PYGB: variants seen among roughly 807,000 people sequenced by gnomAD.
PYGB encodes the protein glycogen phosphorylase, brain form.
PYGB carries 82 observed loss-of-function variants against 94.3 expected under a neutral mutation model. The ratio of observed to expected loss-of-function variants is 0.87; its 90% CI spans 0.73 to 1.04. The LOEUF is 1.04. Among genes scored for constraint, PYGB ranks in the 50% least tolerant of loss-of-function variants. PYGB has a pLI of 0.00. For synonymous variants in PYGB, 488 were observed against 479.1 expected (o/e 1.02, Z -0.24); for missense variants, 1,132 against 1,158.2 (o/e 0.98, Z 0.33).
At chr20:25,283,604 GTA>G (rs2088389320) in intron 13 of PYGB, among the ~76,000 whole-genome samples, 1 of 152,214 alleles carries the variant, frequency 6.6e-6, no homozygotes, top group Non-Finnish European at 1.5e-5. Flanking sequence ...TTCCAGCGTG[GTA>G]CCCTCTTTGC....
intron 1 of PYGB, among the ~76,000 whole-genome samples, chr20:25,248,913 C>T (rs2123500032): frequency 6.6e-6 from 1 of 152,308 alleles, no homozygotes; most frequent in South Asian, 2.1e-4. Context: ...GTGTACGCTG[C>T]TTAGAAGAAA....
At chr20:25,250,336 C>A in intron 1 of PYGB, among the ~76,000 whole-genome samples, 1 of 152,304 alleles carries the variant, frequency 6.6e-6, no homozygotes, top group African/African-American at 2.4e-5. Context: ...AAATGACCTT[C>A]ATGAACAAGA....
intron 2 of PYGB, among the ~76,000 whole-genome samples, chr20:25,262,947 A>G (rs2092916971): frequency 6.6e-6 from 1 of 152,202 alleles, no homozygotes; most frequent in African/African-American, 2.4e-5. Flanking sequence ...CCAATACAGG[A>G]GCACCCAGAT....
intron 1 of PYGB, among the ~76,000 whole-genome samples, chr20:25,254,673 GTAGCTCACTAGGT>G (rs2092898194): frequency 6.6e-6 from 1 of 152,212 alleles, no homozygotes; most frequent in Non-Finnish European, 1.5e-5. Flanking sequence ...ACGATGACTG[GTAGCTCACTAGGT>G]ATAAATATAG....
At position 25,297,160 on chromosome 20, in the gene PYGB, T is replaced by C. The variant is rs1349389180; in HGVS notation, c.*638T>C. The C allele has an allele frequency of 6.5e-6, 1 of 152,828 alleles. No homozygotes were observed. Among genetic ancestry groups the C allele is most frequent in the African/African-American group, 2.4e-5 (1 of 41,464 alleles). 9.5% of individuals were successfully genotyped at this position (152,828 alleles called of 1,614,324 possible). A position where few individuals can be genotyped will look rare whatever the true frequency, so the allele number is the denominator to read the frequency against. On this transcript the variant is annotated 3_prime_UTR_variant, in exon 20 of 20. Coordinates refer to ENST00000216962, the MANE Select transcript of PYGB (RefSeq NM_002862.4). ...CTTTGTAGCCATCCAATGGGCATTGTGTGGGTGCTTGGAACCCGGGATGAC... is the reference window on the plus strand; with the variant it reads ...CTTTGTAGCCATCCAATGGGCATTGCGTGGGTGCTTGGAACCCGGGATGAC...
At chr20:25,287,435 A>C (rs993123715) in intron 14 of PYGB, among the ~76,000 whole-genome samples, 1 of 152,008 alleles carries the variant, frequency 6.6e-6, no homozygotes, top group African/African-American at 2.4e-5. Context: ...GTTTGATGCC[A>C]GGAGTTTGAG....
At position 25,257,817 on chromosome 20, in the gene PYGB, C is replaced by T. The variant is rs997353828; in HGVS notation, c.244-1420C>T. Among the ~76,000 whole-genome samples, 6 of 152,274 alleles carry T rather than the reference C, an allele frequency of 3.9e-5. No individual in the cohort carries two copies. The East Asian group carries it at 7.7e-4, about 20-fold the overall frequency. ...TCTAGTTGGGCTCAGTATGATTTCG[C>T]ACTGGTTAATAAACCCTGCCTGGAC... On this transcript the variant is annotated intron_variant, in intron 1 of 19. Coordinates refer to ENST00000216962, the MANE Select transcript of PYGB (RefSeq NM_002862.4).
At chr20:25,285,123 C>T (rs548767914) in intron 14 of PYGB, 86 of 152,374 alleles carry the variant, frequency 5.6e-4, no homozygotes, top group African/African-American at 1.9e-3. Flanking sequence ...GCGTTTGAGA[C>T]ACACATGGTA....
intron 14 of PYGB, among the ~76,000 whole-genome samples, chr20:25,285,758 C>T (rs1353492578): frequency 6.6e-6 from 1 of 152,044 alleles, no homozygotes; most frequent in Non-Finnish European, 1.5e-5. Context: ...TGTCAGAGCT[C>T]ACAGCATCAA....
intron 2 of PYGB, among the ~76,000 whole-genome samples, chr20:25,262,187 C>A (rs1490358146): frequency 6.6e-6 from 1 of 152,174 alleles, no homozygotes; most frequent in African/African-American, 2.4e-5. Flanking sequence ...TCAGATTCAC[C>A]AAAGTTGAAA....
chr20:25,258,001 C>T (rs921823655), intron 1 of PYGB, among the ~76,000 whole-genome samples: 3 of 152,140 alleles, frequency 2.0e-5, no homozygotes, highest in African/African-American at 4.8e-5. Context: ...GTACTTATAG[C>T]GGCTATGAGG....
Position 25,292,400 on chromosome 20 carries a change from C to T in PYGB, c.1970-6C>T. On this transcript the variant is annotated splice_region_variant and splice_polypyrimidine_tract_variant and intron_variant, in intron 16 of 19. Transcript: ENST00000216962. Reference sequence around the variant, plus strand: ...AGTGATCCCCTCCACGGGCTCCCCTCCACAGTGATCCCGGCCGCTGATCTG... The same window carrying T: ...AGTGATCCCCTCCACGGGCTCCCCTTCACAGTGATCCCGGCCGCTGATCTG... The T allele has an allele frequency of 1.2e-6, 2 of 1,612,642 alleles. No homozygotes were observed. Among genetic ancestry groups the T allele is most frequent in the Non-Finnish European group, 1.7e-6 (2 of 1,179,920 alleles).
chr20:25,261,479 T>C (rs1470148604), intron 2 of PYGB, among the ~76,000 whole-genome samples: 2 of 152,230 alleles, frequency 1.3e-5, no homozygotes, highest in Non-Finnish European at 2.9e-5. Flanking sequence ...ACCCCGTCTG[T>C]ACGTCACCAT....
chr20:25,283,117 AG>A, intron 12 of PYGB, 58 bp from the exon 13 acceptor site: 2 of 1,408,826 alleles, frequency 1.4e-6, no homozygotes, highest in Non-Finnish European at 2.0e-6. Flanking sequence ...GCAGGTGGCT[AG>A]GGGGCCCAGC....
chr20:25,288,421 G>A lies in PYGB; in HGVS notation c.1769-4G>A. ...TGTGTGAGTCTCTTCCGTGTGTCCT[G>A]CAGGAATCAAGAGAGACCCGGCCAA... On this transcript the variant is annotated splice_region_variant and splice_polypyrimidine_tract_variant and intron_variant, in intron 14 of 19. Transcript: ENST00000216962. The A allele has an allele frequency of 6.2e-7, 1 of 1,614,184 alleles. No individual in the cohort carries two copies. Among genetic ancestry groups the A allele is most frequent in the Non-Finnish European group, 8.5e-7 (1 of 1,180,028 alleles).
intron 1 of PYGB, 148 bp downstream of exon 1, chr20:25,248,569 T>C (rs2092877923): frequency 1.8e-6 from 2 of 1,106,458 alleles, no homozygotes; most frequent in Non-Finnish European, 2.3e-6. Flanking sequence ...GACTGGGGAG[T>C]CGCCTGGAAG....
rs559253018 is a variant in PYGB at position 25,262,927 on chromosome 20, A to G, written c.345+3589A>G. Among the ~76,000 whole-genome samples, 14 of 152,360 alleles carry G rather than the reference A, an allele frequency of 9.2e-5. No individual in the cohort carries two copies. The South Asian group carries it at 2.9e-3, about 32-fold the overall frequency. Reference sequence around the variant, plus strand: ...ACAAGAAGAGCTAACTATTCTAAATACATATGCACCCAATACAGGAGCACC... The same window carrying G: ...ACAAGAAGAGCTAACTATTCTAAATGCATATGCACCCAATACAGGAGCACC... On this transcript the variant is annotated intron_variant, in intron 2 of 19. Coordinates refer to ENST00000216962, the MANE Select transcript of PYGB (RefSeq NM_002862.4).
intron 18 of PYGB, chr20:25,294,747 A>G: frequency 3.1e-6 from 2 of 635,770 alleles, no homozygotes; most frequent in Non-Finnish European, 2.8e-6. Flanking sequence ...ACGATGTGAC[A>G]TTATAATGTA....
intron 1 of PYGB, among the ~76,000 whole-genome samples, chr20:25,250,403 T>C (rs1407003809): frequency 2.6e-5 from 4 of 152,204 alleles, no homozygotes; most frequent in Non-Finnish European, 5.9e-5. Flanking sequence ...TTTGATTGTC[T>C]ACGTGTGGTG....
Sources: allele counts gnomAD v4.1 joint callset (sites outside exome capture counted in the v4.1 genomes callset), GRCh38; gene constraint gnomAD v4.1.1; transcripts MANE v1.5; gene names NCBI Gene and HGNC (gene_info 2026-07-23, HGNC 2026-07-21).